NHSL1: variants seen among roughly 807,000 people sequenced by gnomAD.
NHSL1 encodes the protein NHS like 1.
In NHSL1, 48 loss-of-function variants were observed where a neutral mutation model predicts 95.0. The observed-to-expected ratio is 0.51, with a 90% CI of 0.40 to 0.64. NHSL1 has a LOEUF of 0.64. NHSL1 is among the 30% of genes least tolerant of loss of function. The pLI is 0.00. For synonymous variants in NHSL1, 783 were observed against 833.9 expected, an observed-to-expected ratio of 0.94 and a Z score of 1.05; for missense variants, 1,971 against 2,077.7, an observed-to-expected ratio of 0.95 and a Z score of 1.00.
At chr6:138,598,185 G>A (rs887204256) in intron 1 of NHSL1, among the ~76,000 whole-genome samples, 8 of 152,094 alleles carry the variant, frequency 5.3e-5, no homozygotes, top group South Asian at 2.1e-4. Flanking sequence ...TAGGCCAGGC[G>A]TGGTGGCTCA....
chr6:138,536,600 A>ACCTTTTTTTT (rs1562356172), intron 1 of NHSL1, among the ~76,000 whole-genome samples: 1 of 100,512 alleles, frequency 9.9e-6, no homozygotes. Context: ...GACATATGTC[A>ACCTTTTTTTT]TCTTTTTTTT....
chr6:138,533,806 C>T (rs1451110753), intron 1 of NHSL1, among the ~76,000 whole-genome samples: 1 of 152,172 alleles, frequency 6.6e-6, no homozygotes, highest in Non-Finnish European at 1.5e-5. Flanking sequence ...CAGAGTGATG[C>T]TTGAGAAGGG....
At chr6:138,620,893 G>A (rs917439025) in intron 1 of NHSL1, among the ~76,000 whole-genome samples, 7 of 152,196 alleles carry the variant, frequency 4.6e-5, no homozygotes, top group Non-Finnish European at 8.8e-5. Flanking sequence ...CACACACTGG[G>A]AATCTAGAGC....
chr6:138,670,934 T>C (rs34246463), intron 1 of NHSL1, among the ~76,000 whole-genome samples: 4,046 of 151,972 alleles, frequency 0.027, 182 homozygotes, highest in African/African-American at 0.092. Context: ...GGAGGAAGGA[T>C]TGCTGAGGCC....
In NHSL1 at chr6:138,424,530, G is replaced by A. The variant is rs1181314860; in HGVS notation, c.4372C>T (p.Pro1458Ser). The change falls in exon 8 of 8, where the codon CCA (proline) becomes TCA (serine). Residue 1458 changes from proline to serine, a missense_variant. Transcript: ENST00000343505. This position sits in a 1 kb window ranked among gnomAD's most constrained non-coding sequence, Gnocchi z 5.9. ...RFQRSRSEPS[P>S]DAPESPSSCS... is the part of the protein sequence containing the mutation. ...CTTGACGGGCTCTCGGGGGCATCTGGGGAAGGCTCTGACCTCGACCTCTGG... is the reference window on the plus strand; with the variant it reads ...CTTGACGGGCTCTCGGGGGCATCTGAGGAAGGCTCTGACCTCGACCTCTGG... 1 of 1,551,662 alleles carries A rather than the reference G, an allele frequency of 6.4e-7. No individual in the cohort carries two copies. The highest frequency in any genetic ancestry group is 8.7e-7 in the Non-Finnish European group (1 of 1,146,986).
chr6:138,422,533 A>G lies in NHSL1; in HGVS notation c.*1548T>C, dbSNP rs1247782758. On this transcript the variant is annotated 3_prime_UTR_variant, in exon 8 of 8. Coordinates refer to ENST00000343505, the MANE Select transcript of NHSL1 (RefSeq NM_001144060.2). ...GGCAGGTGGTAGTCGCACTAGATTC[A>G]GACCAAGACTCTCCGCATTGTCATC... The G allele has an allele frequency of 6.6e-6, 1 of 152,218 alleles. No homozygotes were observed. Among genetic ancestry groups the G allele is most frequent in the Non-Finnish European group, 1.5e-5 (1 of 68,038 alleles). The allele number at this position is 152,218 out of a possible 1,614,324, so 9.4% of individuals were successfully genotyped here. A position where few individuals can be genotyped will look rare whatever the true frequency, so the allele number is the denominator to read the frequency against.
intron 1 of NHSL1, among the ~76,000 whole-genome samples, chr6:138,518,459 G>A (rs79090793): frequency 7.2e-6 from 1 of 138,874 alleles, no homozygotes; most frequent in African/African-American, 2.6e-5. Flanking sequence ...AGTGAGGGTA[G>A]AACGTCCACA....
intron 3 of NHSL1, chr6:138,464,521 T>G (rs930614964): frequency 5.2e-6 from 1 of 193,040 alleles, no homozygotes; most frequent in African/African-American, 2.3e-5. Context: ...GCATTTGCAC[T>G]TAGCGCTAAA....
chr6:138,424,180 G>A lies in NHSL1; in HGVS notation c.4722C>T (p.Ser1574=). The part of the protein sequence containing the change: ...GLLCGEGPAA[S]LQPQAPGPVD... Reference sequence around the variant, plus strand: ...CAGGGCCGGGGGCCTGGGGCTGCAGGGAGGCGGCAGGCCCCTCCCCACAGA... The same window carrying A: ...CAGGGCCGGGGGCCTGGGGCTGCAGAGAGGCGGCAGGCCCCTCCCCACAGA... The change falls in exon 8 of 8, where the codon TCC becomes TCT. Residue 1574 remains serine, a synonymous_variant. Transcript: ENST00000343505. The surrounding 1 kb of genome is among the most constrained non-coding windows in gnomAD (Gnocchi z 5.9). The A allele has an allele frequency of 6.8e-7, 1 of 1,468,590 alleles. No individual in the cohort carries two copies. The highest frequency in any genetic ancestry group is 1.8e-4 in the Middle Eastern group (1 of 5,632). The allele number at this position is 1,468,590 out of a possible 1,614,324, so 91.0% of individuals were successfully genotyped here.
intron 1 of NHSL1, among the ~76,000 whole-genome samples, chr6:138,577,631 G>A (rs1411159857): frequency 6.6e-6 from 1 of 152,166 alleles, no homozygotes; most frequent in Non-Finnish European, 1.5e-5. Context: ...GAGCAGTGAA[G>A]TGTGCCTCTC....
At position 138,431,823 on chromosome 6, in the gene NHSL1, T is replaced by C; in HGVS notation, c.2522A>G (p.Lys841Arg). The C allele has an allele frequency of 6.4e-7, 1 of 1,551,716 alleles. No homozygotes were observed. The part of the protein sequence containing the change: ...SVKPKIMSPE[K>R]SHRVISPSSG... The stretch of plus-strand genomic sequence containing the variant: ...GGATGGAGAAATGACTCTGTGTGAC[T>C]TCTCTGGTGACATGATCTTTGGTTT... The change falls in exon 6 of 8, where the codon AAG becomes AGG. Residue 841 changes from lysine (K) to arginine (R), a missense_variant. Physicochemically the swap from Lys to Arg is conservative, Grantham distance 26. Transcript: ENST00000343505. This position sits in a 1 kb window ranked among gnomAD's most constrained non-coding sequence, Gnocchi z 4.0.
chr6:138,533,630 AT>A lies in NHSL1; in HGVS notation c.16+11992del, dbSNP rs374804839. Among the ~76,000 whole-genome samples, 124 of 152,288 alleles carry A rather than the reference AT, an allele frequency of 8.1e-4. 2 individuals carry two copies. Among genetic ancestry groups the A allele is most frequent in the African/African-American group, 2.6e-3 (110 of 41,564 alleles). On this transcript the variant is annotated intron_variant, in intron 1 of 4. Transcript: ENST00000342260. ...AAATAATCTCATATTTCTGAAAATA[AT>A]TTTTTTCTGTCTATGATCAATTGCC...
At chr6:138,629,923 A>G (rs974420368) in intron 1 of NHSL1, among the ~76,000 whole-genome samples, 2 of 152,226 alleles carry the variant, frequency 1.3e-5, no homozygotes, top group Non-Finnish European at 2.9e-5. Flanking sequence ...TTTTTTTAGT[A>G]GTACACAATT....
chr6:138,489,302 T>C (rs1258358791), intron 2 of NHSL1, among the ~76,000 whole-genome samples: 1 of 152,248 alleles, frequency 6.6e-6, no homozygotes, highest in African/African-American at 2.4e-5. Context: ...GTTCATTTCA[T>C]TCCCATGTAA....
intron 1 of NHSL1, among the ~76,000 whole-genome samples, chr6:138,689,550 T>C (rs1785632879): frequency 6.6e-6 from 1 of 152,212 alleles, no homozygotes; most frequent in Non-Finnish European, 1.5e-5. Context: ...ATACATTTTT[T>C]TAAATTGTTC....
At chr6:138,503,433 AT>A (rs1365509655), upstream of NHSL1, among the ~76,000 whole-genome samples, 2 of 152,082 alleles carry the variant, frequency 1.3e-5, no homozygotes, top group African/African-American at 2.4e-5. Flanking sequence ...CCATTAAATG[AT>A]TTTTTTTAAA....
intron 1 of NHSL1, among the ~76,000 whole-genome samples, chr6:138,679,830 T>A (rs983865839): frequency 2.0e-5 from 3 of 152,110 alleles, no homozygotes; most frequent in African/African-American, 7.2e-5. Flanking sequence ...CTTTCAAAAT[T>A]CAGGACACAA....
rs930630887 is a variant in NHSL1, at chr6:138,635,950, T to TAAAA, written c.96+56522_96+56525dup. On this transcript the variant is annotated intron_variant, in intron 1 of 3. Coordinates refer to the NHSL1 transcript ENST00000491526. ...TCAAATAGTGAAATGCCGTCTCTAC[T>TAAAA]AAAAAAAAAAAAAAAAAAAAAAATT... 1.3e-4 allele frequency among the ~76,000 whole-genome samples: 12 copies of TAAAA among 94,362 alleles called. No homozygotes were observed. In the South Asian group the frequency reaches 1.4e-3, roughly 11 times the overall value. The allele number at this position is 94,362 out of a possible 152,430, so 61.9% of individuals were successfully genotyped here. A position where few individuals can be genotyped will look rare whatever the true frequency, so the allele number is the denominator to read the frequency against.
chr6:138,477,170 G>T (rs914380622), intron 2 of NHSL1, among the ~76,000 whole-genome samples: 1 of 152,118 alleles, frequency 6.6e-6, no homozygotes, highest in Non-Finnish European at 1.5e-5. Flanking sequence ...ATTACCATTT[G>T]CAGCTACTTA....
Sources: gnomAD v4.1 joint callset for allele counts (sites outside exome capture counted in the v4.1 genomes callset) on GRCh38, gnomAD v4.1.1 for gene constraint, Gnocchi (gnomAD v3.1) non-coding constraint, MANE v1.5 for transcripts, NCBI Gene and HGNC (gene_info 2026-07-23, HGNC 2026-07-21) for gene names.